CDKL4: variants seen among roughly 807,000 people sequenced by gnomAD.
CDKL4 encodes cyclin-dependent kinase-like 4.
Under a neutral mutation model 42.0 loss-of-function variants are expected in CDKL4, and 44 were observed. The ratio of observed to expected loss-of-function variants is 1.05; its 90% CI spans 0.82 to 1.35. CDKL4 has a LOEUF of 1.35. Among genes scored for constraint, CDKL4 ranks in the 40% most tolerant of loss-of-function variants. The probability of loss-of-function intolerance (pLI) is 0.00; values close to 1 mark genes in which losing one functional copy is unlikely to be tolerated. For synonymous variants in CDKL4, 120 were observed against 121.6 expected (o/e 0.99, Z 0.09); for missense variants, 393 against 369.9 (o/e 1.06, Z -0.51).
At chr2:39,170,113 C>T in the CDKL4 span, among the ~76,000 whole-genome samples, 1 of 152,040 alleles carries the variant, frequency 6.6e-6, no homozygotes, top group African/African-American at 2.4e-5. Flanking sequence ...ATTCACCTGC[C>T]TCGGCCTCCC....
intron 2 of CDKL4, 63 bp from the exon 3 acceptor site, chr2:39,226,023 C>T (rs1558580156): frequency 6.9e-7 from 1 of 1,449,310 alleles, no homozygotes; most frequent in South Asian, 1.5e-5. Flanking sequence ...CTACCCAGAC[C>T]CCTTAAAGAA....
chr2:39,175,938 C>T, exon 10 of CDKL4: 1 of 432,802 alleles, frequency 2.3e-6, no homozygotes. Context: ...GAATTCCTAT[C>T]TCACTTGTAC....
At chr2:39,172,840 C>T (rs771938178), downstream of CDKL4, among the ~76,000 whole-genome samples, 42 of 152,304 alleles carry the variant, frequency 2.8e-4, no homozygotes, top group Non-Finnish European at 5.6e-4. Flanking sequence ...CCTTGGCCTC[C>T]CAAAGTGCTG....
At chr2:39,244,685 A>C (rs1402458656), upstream of CDKL4, among the ~76,000 whole-genome samples, 1 of 152,232 alleles carries the variant, frequency 6.6e-6, no homozygotes. Context: ...ACTGGCAGGC[A>C]GCTCCACCTG....
chr2:39,207,757 T>G (rs1378185936), intron 4 of CDKL4, among the ~76,000 whole-genome samples: 1 of 152,048 alleles, frequency 6.6e-6, no homozygotes, highest in Non-Finnish European at 1.5e-5. Flanking sequence ...GTAACAGAAG[T>G]TATTGATAAA....
At chr2:39,197,918 C>T (rs948328538) in intron 5 of CDKL4, among the ~76,000 whole-genome samples, 4 of 150,154 alleles carry the variant, frequency 2.7e-5, no homozygotes, top group African/African-American at 5.0e-5. Flanking sequence ...ACCTATAAAA[C>T]AGCAACACAA....
chr2:39,226,362 G>A (rs191863113), intron 2 of CDKL4, among the ~76,000 whole-genome samples: 3 of 147,974 alleles, frequency 2.0e-5, no homozygotes, highest in East Asian at 3.9e-4. Context: ...CCATCAAATC[G>A]GAATAAACTG....
intron 1 of CDKL4, among the ~76,000 whole-genome samples, chr2:39,232,487 T>C (rs930663181): frequency 6.6e-6 from 1 of 152,180 alleles, no homozygotes; most frequent in Non-Finnish European, 1.5e-5. Context: ...AATTGGAACA[T>C]TCTAAACCAA....
At chr2:39,189,065 GACAA>G (rs1676014273) in intron 6 of CDKL4, among the ~76,000 whole-genome samples, 2 of 152,196 alleles carry the variant, frequency 1.3e-5, no homozygotes, top group African/African-American at 2.4e-5. Context: ...GAATGAATCA[GACAA>G]ACAAAGTGTG....
At chr2:39,238,170 C>T (rs1014715313) in intron 1 of CDKL4, among the ~76,000 whole-genome samples, 17 of 152,158 alleles carry the variant, frequency 1.1e-4, no homozygotes, top group Non-Finnish European at 2.1e-4. Flanking sequence ...GTGGCACATG[C>T]CTGTAATCCC....
chr2:39,181,440 C>G lies in CDKL4; in HGVS notation c.793-2119G>C, dbSNP rs560270992. 2.6e-5 allele frequency among the ~76,000 whole-genome samples: 4 copies of G among 152,260 alleles called. No individual in the cohort carries two copies. The South Asian group carries it at 8.3e-4, about 32-fold the overall frequency. On this transcript the variant is annotated intron_variant, in intron 8 of 9. Coordinates refer to ENST00000451199, the Ensembl canonical transcript of CDKL4. ...ACCAGAGATTTCCACATCTACAATT[C>G]CATTCCAGACCTCCCCTGTGAACTC...
At chr2:39,192,997 A>T (rs1302651857) in intron 5 of CDKL4, among the ~76,000 whole-genome samples, 1 of 151,870 alleles carries the variant, frequency 6.6e-6, no homozygotes, top group Admixed American at 6.6e-5. Context: ...GCATGGTAGC[A>T]TGTGCCTGTG....
chr2:39,213,852 T>G (rs1412501713), intron 3 of CDKL4, among the ~76,000 whole-genome samples: 1 of 152,212 alleles, frequency 6.6e-6, no homozygotes, highest in Non-Finnish European at 1.5e-5. Flanking sequence ...TCTTCAGGCA[T>G]CTCTGCTCCT....
At chr2:39,170,657 A>G (rs1203586843), downstream of CDKL4, among the ~76,000 whole-genome samples, 2 of 151,966 alleles carry the variant, frequency 1.3e-5, no homozygotes, top group Admixed American at 1.3e-4. Flanking sequence ...GGGTTTCGCC[A>G]TGTTGGCCAG....
chr2:39,222,817 T>A (rs1678461828), intron 3 of CDKL4, among the ~76,000 whole-genome samples: 1 of 152,132 alleles, frequency 6.6e-6, no homozygotes, highest in Non-Finnish European at 1.5e-5. Context: ...AGCATAAATT[T>A]CTAACTTCAT....
At chr2:39,206,379 G>A (rs1677189338) in intron 4 of CDKL4, among the ~76,000 whole-genome samples, 1 of 152,164 alleles carries the variant, frequency 6.6e-6, no homozygotes, top group South Asian at 2.1e-4. Context: ...ACCGCGCCTG[G>A]ACCCAGCTGT....
intron 3 of CDKL4, among the ~76,000 whole-genome samples, chr2:39,216,948 A>T (rs1677954474): frequency 6.6e-6 from 1 of 152,220 alleles, no homozygotes; most frequent in Non-Finnish European, 1.5e-5. Context: ...TTAGCTTCCA[A>T]GAAGGCAGAT....
At chr2:39,181,855 C>T (rs1162179906) in intron 8 of CDKL4, among the ~76,000 whole-genome samples, 3 of 152,174 alleles carry the variant, frequency 2.0e-5, no homozygotes, top group East Asian at 1.9e-4. Context: ...CCAGACCTGC[C>T]AATACCTGAA....
intron 2 of CDKL4, among the ~76,000 whole-genome samples, chr2:39,229,008 A>C (rs1678928371): frequency 6.6e-6 from 1 of 151,580 alleles, no homozygotes; most frequent in Non-Finnish European, 1.5e-5. Flanking sequence ...TGTGGGACTG[A>C]CTCTCTGTGC....
Sources: allele counts gnomAD v4.1 joint callset (sites outside exome capture counted in the v4.1 genomes callset), GRCh38; gene constraint gnomAD v4.1.1; transcripts MANE v1.5; gene names NCBI Gene and HGNC (gene_info 2026-07-23, HGNC 2026-07-21).